The following MACROD2 variants were observed in gnomAD, a reference collection of about 807,000 sequenced individuals.
The protein encoded by MACROD2 is ADP-ribose glycohydrolase MACROD2.
A neutral mutation model predicts 70.4 loss-of-function variants in MACROD2; 36 were observed. The observed-to-expected ratio is 0.51, with a 90% CI of 0.39 to 0.68. MACROD2 has a LOEUF of 0.68. Ranked by LOEUF, MACROD2 falls within the 30% of genes least tolerant of loss-of-function variation. The pLI is 0.00. For synonymous variants in MACROD2, 172 were observed against 178.8 expected (o/e 0.96, Z 0.30); for missense variants, 496 against 538.4 (o/e 0.92, Z 0.78).
intron 4 of MACROD2, among the ~76,000 whole-genome samples, chr20:14,565,700 C>G (rs1348224647): frequency 1.3e-5 from 2 of 151,906 alleles, no homozygotes; most frequent in Non-Finnish European, 2.9e-5. Context: ...TTTTCTTCTA[C>G]ATAAAAAGTT....
intron 6 of MACROD2, among the ~76,000 whole-genome samples, chr20:15,393,299 C>G (rs948143560): frequency 1.3e-5 from 2 of 152,144 alleles, no homozygotes; most frequent in Admixed American, 6.5e-5. Flanking sequence ...CAGATGGGGA[C>G]AAAGAGTAAA....
chr20:14,532,218 CTTT>C (rs1170533352), intron 4 of MACROD2, among the ~76,000 whole-genome samples: 4 of 131,440 alleles, frequency 3.0e-5, no homozygotes, highest in Admixed American at 7.6e-5. Context: ...TATAACTAAT[CTTT>C]TTTTTTTTTT....
chr20:15,173,453 A>C (rs1436207896), intron 5 of MACROD2, among the ~76,000 whole-genome samples: 1 of 152,210 alleles, frequency 6.6e-6, no homozygotes, highest in Non-Finnish European at 1.5e-5. Context: ...GGGGGTAGGC[A>C]ATTTCCTTAC....
rs528337728 is a variant in MACROD2, at chr20:15,011,663, G to A, written c.419-218277G>A. On this transcript the variant is annotated intron_variant, in intron 5 of 17. Coordinates refer to ENST00000684519, the MANE Select transcript of MACROD2 (RefSeq NM_001351661.2). ...GTACCTGGTGTCTCCACTCTCTCAT[G>A]ACTTAGCCCTTCCCCTCTCTCTCCA... Among the ~76,000 whole-genome samples the A allele has an allele frequency of 6.6e-5, 10 of 152,256 alleles. No individual in the cohort carries two copies. The South Asian group carries it at 1.9e-3, about 28-fold the overall frequency.
chr20:15,238,000 T>C (rs175301), intron 6 of MACROD2, among the ~76,000 whole-genome samples: 42,768 of 152,038 alleles, frequency 0.28, 6,235 homozygotes, highest in African/African-American at 0.34. Context: ...GGGGCACTGA[T>C]GCCTGTTTCA....
chr20:14,316,753 A>T (rs2082614684), intron 3 of MACROD2, among the ~76,000 whole-genome samples: 1 of 152,160 alleles, frequency 6.6e-6, no homozygotes, highest in Admixed American at 6.6e-5. Flanking sequence ...TTAAGAAGAA[A>T]TCCATTATAG....
intron 3 of MACROD2, among the ~76,000 whole-genome samples, chr20:14,492,969 C>G (rs2084811456): frequency 1.3e-5 from 2 of 151,844 alleles, no homozygotes; most frequent in Admixed American, 1.3e-4. Context: ...TTTCTTTCCT[C>G]AAAATAAAAA....
At chr20:14,321,197 T>A (rs1028375867) in intron 3 of MACROD2, among the ~76,000 whole-genome samples, 18 of 152,120 alleles carry the variant, frequency 1.2e-4, no homozygotes, top group Admixed American at 2.0e-4. Flanking sequence ...AAACCCCGTC[T>A]CTACTAAAAA....
intron 5 of MACROD2, among the ~76,000 whole-genome samples, chr20:15,049,339 G>C (rs565535990): frequency 2.0e-5 from 3 of 151,998 alleles, no homozygotes; most frequent in Admixed American, 6.6e-5. Context: ...AGAAAAAAGA[G>C]GAGAGAGACT....
chr20:14,201,298 C>A (rs1455512128), intron 3 of MACROD2, among the ~76,000 whole-genome samples: 2 of 152,180 alleles, frequency 1.3e-5, no homozygotes, highest in Non-Finnish European at 2.9e-5. Flanking sequence ...ACTATGCAAT[C>A]AGCTTCTTAA....
chr20:15,356,377 A>T (rs974400537), intron 6 of MACROD2, among the ~76,000 whole-genome samples: 2 of 152,242 alleles, frequency 1.3e-5, no homozygotes, highest in African/African-American at 4.8e-5. Flanking sequence ...ATAATGTATC[A>T]AAATTTTATA....
intron 8 of MACROD2, among the ~76,000 whole-genome samples, chr20:15,577,561 C>G (rs1286228767): frequency 6.6e-6 from 1 of 152,054 alleles, no homozygotes; most frequent in African/African-American, 2.4e-5. Flanking sequence ...GGAAAAACCA[C>G]TATTTGTAAC....
intron 8 of MACROD2, among the ~76,000 whole-genome samples, chr20:15,533,275 G>C (rs1228386030): frequency 1.3e-5 from 2 of 152,094 alleles, no homozygotes; most frequent in African/African-American, 2.4e-5. Context: ...GAACAATTTT[G>C]GTGGTCCCAT....
chr20:15,981,469 G>A (rs1341873874), intron 13 of MACROD2, among the ~76,000 whole-genome samples: 1 of 152,012 alleles, frequency 6.6e-6, no homozygotes, highest in East Asian at 1.9e-4. Context: ...TGATTCTTTT[G>A]GGCTGAGAAT....
intron 8 of MACROD2, among the ~76,000 whole-genome samples, chr20:15,593,668 T>C (rs2146673537): frequency 6.6e-6 from 1 of 152,316 alleles, no homozygotes; most frequent in African/African-American, 2.4e-5. Flanking sequence ...CAAGAGGTGG[T>C]CTATTTTCTT....
At chr20:14,417,073 CT>C (rs1197593365) in intron 3 of MACROD2, among the ~76,000 whole-genome samples, 12 of 28,372 alleles carry the variant, frequency 4.2e-4, no homozygotes, top group Non-Finnish European at 8.2e-4. Flanking sequence ...TATCATCTAT[CT>C]ATCTATCTAT....
intron 5 of MACROD2, among the ~76,000 whole-genome samples, chr20:14,947,895 C>T (rs1217421094): frequency 6.6e-6 from 1 of 152,156 alleles, no homozygotes; most frequent in African/African-American, 2.4e-5. Flanking sequence ...AATGCTGGCC[C>T]AGTGTTTATC....
chr20:15,248,218 C>T (rs2077123754), intron 6 of MACROD2, among the ~76,000 whole-genome samples: 1 of 152,180 alleles, frequency 6.6e-6, no homozygotes, highest in Non-Finnish European at 1.5e-5. Context: ...CTTTTCCAAA[C>T]TCTCTTAGGG....
intron 4 of MACROD2, among the ~76,000 whole-genome samples, chr20:14,591,560 C>A (rs1437003313): frequency 6.6e-6 from 1 of 152,132 alleles, no homozygotes; most frequent in Non-Finnish European, 1.5e-5. Flanking sequence ...ATTCAAACAC[C>A]AAAAGCCAAT....
Sources: allele counts gnomAD v4.1 joint callset (sites outside exome capture counted in the v4.1 genomes callset), GRCh38; gene constraint gnomAD v4.1.1; transcripts MANE v1.5; gene names NCBI Gene and HGNC (gene_info 2026-07-23, HGNC 2026-07-21).